NEDD4: variants seen among roughly 807,000 people sequenced by gnomAD.
NEDD4 encodes E3 ubiquitin-protein ligase NEDD4.
NEDD4 carries 99 observed loss-of-function variants against 144.9 expected under a neutral mutation model. The ratio of observed to expected loss-of-function variants is 0.68; its 90% CI spans 0.58 to 0.81. NEDD4 has a LOEUF of 0.81. Ranked by LOEUF, NEDD4 falls within the 30% of genes least tolerant of loss-of-function variation. The pLI, the probability that NEDD4 is intolerant of heterozygous loss-of-function variation, is 0.00. For missense variants in NEDD4, 985 were observed against 1,065.9 expected (o/e 0.92, Z 1.06); for synonymous variants, 318 against 350.6 (o/e 0.91, Z 1.04).
intron 5 of NEDD4, among the ~76,000 whole-genome samples, chr15:55,891,580 GTATAA>G (rs1276977006): frequency 1.3e-5 from 2 of 152,048 alleles, no homozygotes; most frequent in African/African-American, 4.8e-5. Flanking sequence ...TTTGCATTTG[GTATAA>G]TATAAGTAAT....
chr15:55,961,336 G>GA (rs1177754001), intron 2 of NEDD4, among the ~76,000 whole-genome samples: 3 of 150,760 alleles, frequency 2.0e-5, no homozygotes, highest in Middle Eastern at 3.4e-3. Context: ...AAAAAAAGTA[G>GA]AAAAAAAAAT....
At chr15:55,975,939 C>T (rs1478150176) in intron 1 of NEDD4, among the ~76,000 whole-genome samples, 2 of 152,070 alleles carry the variant, frequency 1.3e-5, no homozygotes, top group Non-Finnish European at 2.9e-5. Context: ...GACGTACAAA[C>T]CAATGGAACA....
chr15:55,934,102 G>A (rs769080760), intron 4 of NEDD4, among the ~76,000 whole-genome samples: 69 of 152,094 alleles, frequency 4.5e-4, no homozygotes, highest in Non-Finnish European at 4.6e-4. Flanking sequence ...GCAGTGAGCC[G>A]AAATTGCGCC....
chr15:55,901,640 A>T (rs1414872922), intron 5 of NEDD4, among the ~76,000 whole-genome samples: 1 of 152,036 alleles, frequency 6.6e-6, no homozygotes, highest in Non-Finnish European at 1.5e-5. Context: ...TGGTCTGTGT[A>T]TTTTTACTTG....
At chr15:55,871,644 AT>A (rs1156445422) in intron 7 of NEDD4, among the ~76,000 whole-genome samples, 10 of 152,082 alleles carry the variant, frequency 6.6e-5, no homozygotes, top group Non-Finnish European at 1.0e-4. Flanking sequence ...ACTCCTTTTC[AT>A]TTTTTTAATA....
chr15:55,953,792 C>G (rs1214658607), intron 2 of NEDD4, among the ~76,000 whole-genome samples: 6 of 152,202 alleles, frequency 3.9e-5, no homozygotes, highest in African/African-American at 1.4e-4. Context: ...ACGATCTCGG[C>G]TCACTGCAAC....
chr15:55,848,329 T>C (rs1349353571), intron 17 of NEDD4, 43 bp downstream of exon 17: 8 of 1,580,542 alleles, frequency 5.1e-6, no homozygotes, highest in African/African-American at 1.3e-5. Context: ...AAGAGACAGG[T>C]GAGCGGACAG....
intron 12 of NEDD4, 121 bp from the exon 13 acceptor site, chr15:55,852,664 G>A: frequency 4.0e-5 from 19 of 477,720 alleles, no homozygotes; most frequent in South Asian, 7.6e-5. Flanking sequence ...CATCTGCTCT[G>A]TTACTACAGT....
chr15:55,872,953 T>C (rs1227153806), intron 6 of NEDD4, among the ~76,000 whole-genome samples: 1 of 151,816 alleles, frequency 6.6e-6, no homozygotes, highest in African/African-American at 2.4e-5. Context: ...CTGGAAAGAC[T>C]GTGGAGAGCC....
At chr15:55,867,386 G>A (rs371627092) in intron 8 of NEDD4, among the ~76,000 whole-genome samples, 2 of 152,112 alleles carry the variant, frequency 1.3e-5, no homozygotes, top group Non-Finnish European at 2.9e-5. Context: ...ACATGAGACC[G>A]CAAAATGAAG....
Position 55,904,365 on chromosome 15 carries a change from C to T in NEDD4, c.291+20281G>A, listed in dbSNP as rs919935469. The stretch of plus-strand genomic sequence containing the variant: ...TCACCCAGACTGGAGTGCAGTGGCT[C>T]GATCTCGGCTCACTGCAACCTCCGC... On this transcript the variant is annotated intron_variant, in intron 5 of 28. Transcript: ENST00000435532. Among the ~76,000 whole-genome samples the T allele has an allele frequency of 3.9e-5, 6 of 152,112 alleles. No homozygotes were observed. In the East Asian group the frequency reaches 5.8e-4, roughly 15 times the overall value.
At chr15:55,924,499 A>G in intron 5 of NEDD4, 147 bp downstream of exon 5, 1 of 637,046 alleles carries the variant, frequency 1.6e-6, no homozygotes, top group Non-Finnish European at 2.8e-6. Context: ...AAGAAAACAA[A>G]TTCTATCTCC....
At chr15:55,971,630 A>AAAAAAAG in intron 1 of NEDD4, among the ~76,000 whole-genome samples, 1 of 151,908 alleles carries the variant, frequency 6.6e-6, no homozygotes, top group African/African-American at 2.4e-5. Context: ...GTCTCAAAAA[A>AAAAAAAG]AAAAAAAAGA....
chr15:55,848,931 A>G (rs2142003260), intron 14 of NEDD4, 45 bp from the exon 15 acceptor site: 1 of 1,456,824 alleles, frequency 6.9e-7, no homozygotes. Context: ...CAAATTTTAA[A>G]ATAATCAAAG....
At chr15:55,909,370 C>T (rs757166937) in intron 5 of NEDD4, among the ~76,000 whole-genome samples, 1 of 152,194 alleles carries the variant, frequency 6.6e-6, no homozygotes, top group Non-Finnish European at 1.5e-5. Context: ...CAAAACATCT[C>T]ATTGAACTGG....
chr15:55,841,754 G>A (rs534589229), intron 19 of NEDD4, among the ~76,000 whole-genome samples, 180 bp downstream of exon 19: 2 of 152,232 alleles, frequency 1.3e-5, no homozygotes, highest in South Asian at 2.1e-4. Flanking sequence ...TGTATTTTTA[G>A]TAGAGACGGG....
chr15:55,843,027 G>C (rs1382976857), intron 18 of NEDD4, among the ~76,000 whole-genome samples: 1 of 152,206 alleles, frequency 6.6e-6, no homozygotes, highest in East Asian at 1.9e-4. Context: ...TTCCTGCACT[G>C]TTCTCATGAT....
intron 2 of NEDD4, among the ~76,000 whole-genome samples, chr15:55,955,847 G>A (rs1208561116): frequency 1.4e-5 from 2 of 138,166 alleles, no homozygotes; most frequent in Non-Finnish European, 3.1e-5. Flanking sequence ...GCAGGGTCTC[G>A]CTTTGTCACC....
At position 55,867,448 on chromosome 15, in the gene NEDD4, G is replaced by A. The variant is rs149920572; in HGVS notation, c.507+2131C>T. Among the ~76,000 whole-genome samples the A allele has an allele frequency of 7.2e-3, 1,102 of 152,258 alleles. 19 individuals carry two copies. The highest frequency in any genetic ancestry group is 0.025 in the African/African-American group (1,050 of 41,550). ...AACTGTGAATAGGGTCCTATGATGCGTGCATGTGGGCAAAACTTGGAGCAG... is the reference window on the plus strand; with the variant it reads ...AACTGTGAATAGGGTCCTATGATGCATGCATGTGGGCAAAACTTGGAGCAG... On this transcript the variant is annotated intron_variant, in intron 8 of 28. Coordinates refer to ENST00000435532, the MANE Select transcript of NEDD4 (RefSeq NM_006154.4).
Sources: gnomAD v4.1 joint callset for allele counts (sites outside exome capture counted in the v4.1 genomes callset) on GRCh38, gnomAD v4.1.1 for gene constraint, MANE v1.5 for transcripts, NCBI Gene and HGNC (gene_info 2026-07-23, HGNC 2026-07-21) for gene names.